ATP2C2: variants seen among roughly 807,000 people sequenced by gnomAD.
The protein encoded by ATP2C2 is ATPase secretory pathway Ca2+ transporting 2, also known as calcium-transporting ATPase type 2C member 2.
A neutral mutation model predicts 110.8 loss-of-function variants in ATP2C2; 171 were observed. That is an observed-to-expected ratio of 1.54 (90% confidence interval 1.36 to 1.75). ATP2C2 has a LOEUF of 1.75. Ranked by LOEUF, ATP2C2 falls within the 40% of genes most tolerant of loss-of-function variation. The pLI, the probability that ATP2C2 is intolerant of heterozygous loss-of-function variation, is 0.00. For missense variants in ATP2C2, 1,963 were observed against 1,235.0 expected, an observed-to-expected ratio of 1.59 and a Z score of -8.84; for synonymous variants, 804 against 508.4, an observed-to-expected ratio of 1.58 and a Z score of -7.82.
In ATP2C2 at chr16:84,425,798, T is replaced by A; in HGVS notation, c.983T>A (p.Val328Asp). 1 of 1,613,926 alleles carries A rather than the reference T, an allele frequency of 6.2e-7. No individual in the cohort carries two copies. Among genetic ancestry groups the A allele is most frequent in the Non-Finnish European group, 8.5e-7 (1 of 1,179,978 alleles). ...CTCCTGAGTATGTTCACGATCGGGG[T>A]CAGGTAAGAGTGCTATGGCCGCCCC... is the stretch of plus-strand genomic sequence containing the variant. ...KQLLSMFTIG[V>D]SLAVAAIPEG... The change falls in exon 11 of 27, where the codon GTC (valine) becomes GAC (aspartate). Residue 328 changes from valine (V) to aspartate (D), a missense_variant. Val to Asp is a radical substitution (Grantham distance 152, BLOSUM62 -3). Coordinates refer to ENST00000262429, the MANE Select transcript of ATP2C2 (RefSeq NM_014861.4).
intron 7 of ATP2C2, among the ~76,000 whole-genome samples, chr16:84,422,012 G>A (rs1359877363): frequency 6.6e-6 from 1 of 152,180 alleles, no homozygotes; most frequent in Non-Finnish European, 1.5e-5. Flanking sequence ...CGGTTATTGT[G>A]TGGGATTGTG....
At position 84,412,844 on chromosome 16, in the gene ATP2C2, C is replaced by T. The variant is rs1019972785; in HGVS notation, c.515+2079C>T. 3.0e-4 allele frequency among the ~76,000 whole-genome samples: 46 copies of T among 151,968 alleles called. 1 individual carries two copies. Among genetic ancestry groups the T allele is most frequent in the African/African-American group, 1.1e-3 (44 of 41,326 alleles). On this transcript the variant is annotated intron_variant, in intron 6 of 26. Transcript: ENST00000262429. ...GGCGCGGTGGCTCACACCTGTAATC[C>T]CAGCACTTTGGGAGGCCGAGGTAGG...
At chr16:84,432,367 A>T (rs1307382768) in intron 11 of ATP2C2, among the ~76,000 whole-genome samples, 1 of 152,082 alleles carries the variant, frequency 6.6e-6, no homozygotes, top group East Asian at 1.9e-4. Flanking sequence ...TGCTGCACCT[A>T]CCAACCCGTC....
At chr16:84,441,413 A>G (rs1433364364) in intron 14 of ATP2C2, among the ~76,000 whole-genome samples, 3 of 151,994 alleles carry the variant, frequency 2.0e-5, no homozygotes, top group African/African-American at 4.8e-5. Context: ...AATTTCCCCT[A>G]TTGTTATTAG....
At chr16:84,423,535 T>C (rs1907545029) in intron 10 of ATP2C2, among the ~76,000 whole-genome samples, 1 of 152,258 alleles carries the variant, frequency 6.6e-6, no homozygotes, top group Non-Finnish European at 1.5e-5. Flanking sequence ...GGTGTATTCC[T>C]GGTCCAGTGG....
chr16:84,372,464 C>T (rs530673072), intron 1 of ATP2C2, among the ~76,000 whole-genome samples: 7 of 152,216 alleles, frequency 4.6e-5, no homozygotes, highest in South Asian at 4.2e-4. Context: ...GACAGTGTCT[C>T]GCCCTGTCAC....
intron 16 of ATP2C2, among the ~76,000 whole-genome samples, chr16:84,447,669 C>T (rs961327636): frequency 3.5e-5 from 5 of 142,704 alleles, no homozygotes; most frequent in African/African-American, 1.3e-4. Context: ...ATATATATTA[C>T]ATATATTACA....
intron 11 of ATP2C2, among the ~76,000 whole-genome samples, chr16:84,435,329 A>G (rs146256166): frequency 6.6e-6 from 1 of 152,176 alleles, no homozygotes; most frequent in Non-Finnish European, 1.5e-5. Context: ...TTCACAATCA[A>G]CTGTCTTAGC....
intron 6 of ATP2C2, 115 bp from the exon 7 acceptor site, chr16:84,415,368 T>C: frequency 4.8e-6 from 4 of 835,026 alleles, no homozygotes; most frequent in Non-Finnish European, 8.2e-6. Context: ...AGGCACAGGG[T>C]TGGTGTATAT....
At position 84,460,727 on chromosome 16, in the gene ATP2C2, A is replaced by G; in HGVS notation, c.2407A>G (p.Arg803Gly). 6.2e-7 allele frequency: 1 copy of G among 1,614,196 alleles called. No homozygotes were observed. Among genetic ancestry groups the G allele is most frequent in the South Asian group, 1.1e-5 (1 of 91,084 alleles). ...GAGTGTGCGGGACACCATCCTCAGCAGAGCCCTCATCCTGAAGATCCTCAT... is the reference window on the plus strand; with the variant it reads ...GAGTGTGCGGGACACCATCCTCAGCGGAGCCCTCATCCTGAAGATCCTCAT... ...PRSVRDTILSRALILKILMSA... is the reference protein window; with the variant it reads ...PRSVRDTILSGALILKILMSA... Residue 803 changes from arginine (R) to glycine (G), a missense_variant, in exon 24 of 27, where the codon AGA (arginine) becomes GGA (glycine). Transcript: ENST00000262429.
At chr16:84,442,864 C>T (rs566728216) in intron 15 of ATP2C2, among the ~76,000 whole-genome samples, 13 of 152,294 alleles carry the variant, frequency 8.5e-5, no homozygotes, top group Non-Finnish European at 1.8e-4. Context: ...GTGGTTCAGG[C>T]CCTGGTCAGG....
intron 17 of ATP2C2, among the ~76,000 whole-genome samples, chr16:84,451,643 G>C (rs1027350923): frequency 1.3e-5 from 2 of 152,148 alleles, no homozygotes; most frequent in Non-Finnish European, 2.9e-5. Context: ...TTTGAGACCA[G>C]CCTGGCCAAC....
intron 16 of ATP2C2, among the ~76,000 whole-genome samples, chr16:84,446,966 A>G (rs1171125972): frequency 6.3e-4 from 96 of 152,180 alleles, no homozygotes; most frequent in Non-Finnish European, 2.1e-4. Context: ...GTGGTGCATC[A>G]GCGTGTGCAC....
At chr16:84,431,633 G>A (rs1322484591) in intron 11 of ATP2C2, among the ~76,000 whole-genome samples, 2 of 152,026 alleles carry the variant, frequency 1.3e-5, no homozygotes, top group Non-Finnish European at 2.9e-5. Context: ...AAGGTTTGGG[G>A]GTGGGAACAT....
intron 15 of ATP2C2, among the ~76,000 whole-genome samples, chr16:84,444,472 C>G (rs895410564): frequency 6.6e-6 from 1 of 152,084 alleles, no homozygotes; most frequent in African/African-American, 2.4e-5. Context: ...GACTCCGTCT[C>G]AAAAAAACAA....
At chr16:84,412,536 G>A (rs964368116) in intron 6 of ATP2C2, among the ~76,000 whole-genome samples, 1 of 138,414 alleles carries the variant, frequency 7.2e-6, no homozygotes, top group Non-Finnish European at 1.5e-5. Context: ...GCATGTGTCT[G>A]TGTGTGTATG....
In ATP2C2 at chr16:84,433,211, G is replaced by A. The variant is rs1908433355; in HGVS notation, c.987-5955G>A. ...CCTAGACAACATAGTGAGACTGTCT[G>A]TACAAAAACAAATGTTTTGTTATTA... On this transcript the variant is annotated intron_variant, in intron 11 of 26. Transcript: ENST00000262429. Among the ~76,000 whole-genome samples, 4 of 152,092 alleles carry A rather than the reference G, an allele frequency of 2.6e-5. No homozygotes were observed. The South Asian group carries it at 8.3e-4, about 32-fold the overall frequency.
chr16:84,431,484 A>C (rs1224945953), intron 11 of ATP2C2, among the ~76,000 whole-genome samples: 1 of 152,094 alleles, frequency 6.6e-6, no homozygotes, highest in South Asian at 2.1e-4. Flanking sequence ...CAACAGAGCA[A>C]AACTCTGTCT....
intron 7 of ATP2C2, among the ~76,000 whole-genome samples, chr16:84,419,477 G>A (rs772597845): frequency 6.6e-6 from 1 of 152,098 alleles, no homozygotes; most frequent in Non-Finnish European, 1.5e-5. Flanking sequence ...TTCTCCCCAC[G>A]CCAAGGTCCT....
Sources: allele counts gnomAD v4.1 joint callset (sites outside exome capture counted in the v4.1 genomes callset), GRCh38; gene constraint gnomAD v4.1.1; transcripts MANE v1.5; gene names NCBI Gene and HGNC (gene_info 2026-07-23, HGNC 2026-07-21).